CCDC91: variants seen among roughly 807,000 people sequenced by gnomAD.
CCDC91 encodes the protein coiled-coil domain-containing protein 91.
A neutral mutation model predicts 63.2 loss-of-function variants in CCDC91; 48 were observed. The ratio of observed to expected loss-of-function variants is 0.76; its 90% CI spans 0.60 to 0.97. The LOEUF (loss-of-function observed/expected upper bound fraction) is 0.97. Ranked by LOEUF, CCDC91 falls within the 50% of genes least tolerant of loss-of-function variation. The probability of loss-of-function intolerance (pLI) is 0.00; values close to 1 mark genes in which losing one functional copy is unlikely to be tolerated. For synonymous variants in CCDC91, 167 were observed against 165.8 expected, an observed-to-expected ratio of 1.01 and a Z score of -0.06; for missense variants, 500 against 494.6, an observed-to-expected ratio of 1.01 and a Z score of -0.10.
At chr12:28,504,404 A>G (rs1269894212) in intron 12 of CCDC91, among the ~76,000 whole-genome samples, 1 of 151,934 alleles carries the variant, frequency 6.6e-6, no homozygotes, top group African/African-American at 2.4e-5. Flanking sequence ...GCCATATACC[A>G]GGACCCTGAA....
chr12:28,458,455 C>CTTTTTTTTTTTTTTTTTTTTTTTTTT (rs60083355), intron 11 of CCDC91, among the ~76,000 whole-genome samples: 1 of 45,806 alleles, frequency 2.2e-5, no homozygotes, highest in Non-Finnish European at 3.4e-5. Flanking sequence ...ATTTGCACAC[C>CTTTTTTTTTTTTTTTTTTTTTTTTTT]TTTTTTTTTT....
intron 12 of CCDC91, among the ~76,000 whole-genome samples, chr12:28,513,507 A>G (rs1003374449): frequency 2.6e-5 from 4 of 151,980 alleles, no homozygotes; most frequent in African/African-American, 9.6e-5. Context: ...TGGATTTGGG[A>G]TCCTCAGCTG....
intron 3 of CCDC91, among the ~76,000 whole-genome samples, chr12:28,294,288 G>A (rs1223463377): frequency 6.6e-6 from 1 of 152,032 alleles, no homozygotes; most frequent in Admixed American, 6.5e-5. Flanking sequence ...TCATTGATAG[G>A]CTTTGGCTCT....
chr12:28,425,630 T>G (rs918752703), intron 8 of CCDC91, among the ~76,000 whole-genome samples: 3 of 152,246 alleles, frequency 2.0e-5, no homozygotes, highest in Admixed American at 6.5e-5. Flanking sequence ...ACTTTCATTT[T>G]GGTTTATTAT....
At chr12:28,435,180 T>G (rs573234051) in intron 8 of CCDC91, among the ~76,000 whole-genome samples, 11 of 151,772 alleles carry the variant, frequency 7.2e-5, no homozygotes, top group Non-Finnish European at 3.0e-5. Flanking sequence ...TTTTGCTTAC[T>G]TTAATTTGCT....
intron 1 of CCDC91, among the ~76,000 whole-genome samples, chr12:28,255,320 A>G (rs1946374204): frequency 6.6e-6 from 1 of 152,212 alleles, no homozygotes; most frequent in Admixed American, 6.5e-5. Flanking sequence ...TTGAAACCAT[A>G]TTATTTGAGT....
At chr12:28,321,072 T>G (rs1307573340) in intron 6 of CCDC91, among the ~76,000 whole-genome samples, 1 of 151,912 alleles carries the variant, frequency 6.6e-6, no homozygotes, top group Non-Finnish European at 1.5e-5. Context: ...CAGAGAATGG[T>G]GTCTTGAATG....
At chr12:28,301,253 A>G (rs1398096275) in intron 3 of CCDC91, among the ~76,000 whole-genome samples, 1 of 151,338 alleles carries the variant, frequency 6.6e-6, no homozygotes, top group East Asian at 1.9e-4. Context: ...ATCAGTTTCT[A>G]TTTTCTGATT....
At chr12:28,352,538 A>G (rs571794377) in intron 6 of CCDC91, among the ~76,000 whole-genome samples, 20 of 152,168 alleles carry the variant, frequency 1.3e-4, no homozygotes, top group African/African-American at 4.8e-4. Context: ...ATCTCAAGAA[A>G]CCACTTTCTT....
chr12:28,525,156 G>T (rs940827852), intron 12 of CCDC91, among the ~76,000 whole-genome samples: 1 of 151,890 alleles, frequency 6.6e-6, no homozygotes, highest in African/African-American at 2.4e-5. Flanking sequence ...GGTTTGGTTT[G>T]TTCTTACTTC....
At chr12:28,376,332 A>G (rs528148108) in intron 7 of CCDC91, among the ~76,000 whole-genome samples, 3 of 151,880 alleles carry the variant, frequency 2.0e-5, no homozygotes, top group Admixed American at 2.0e-4. Context: ...AATTACTGAG[A>G]ATTTTTTTCC....
intron 8 of CCDC91, among the ~76,000 whole-genome samples, chr12:28,431,902 C>G (rs1163176088): frequency 6.6e-6 from 1 of 151,902 alleles, no homozygotes; most frequent in Non-Finnish European, 1.5e-5. Flanking sequence ...TCCTTCTCTC[C>G]CCTCAATCCC....
Position 28,272,049 on chromosome 12 carries a change from A to C in CCDC91, c.109+12607A>C, listed in dbSNP as rs575999654. 1.6e-4 allele frequency among the ~76,000 whole-genome samples: 25 copies of C among 151,988 alleles called. No individual in the cohort carries two copies. In the South Asian group the frequency reaches 3.5e-3, roughly 21 times the overall value. ...TATTTCTTTGGTCTGCACAACGTAG[A>C]TATTACTCCGCCATCTTCTGATTTC... On this transcript the variant is annotated intron_variant, in intron 3 of 12. Transcript: ENST00000536442.
chr12:28,475,004 A>G (rs1265932610), intron 11 of CCDC91, among the ~76,000 whole-genome samples: 1 of 152,082 alleles, frequency 6.6e-6, no homozygotes, highest in Non-Finnish European at 1.5e-5. Flanking sequence ...TTACACAGGG[A>G]CGTCACCATT....
intron 1 of CCDC91, 197 bp from the exon 2 acceptor site, chr12:28,257,005 G>A (rs1468976012): frequency 2.2e-6 from 1 of 465,062 alleles, no homozygotes; most frequent in Non-Finnish European, 3.9e-6. Flanking sequence ...AAAATACATG[G>A]TTGCTGAAAA....
At position 28,394,732 on chromosome 12, in the gene CCDC91, C is replaced by CTCTCTCTCTCTCTCTCTCTCT. The variant is rs371886485; in HGVS notation, c.762+3321_762+3322insTCTCTCTCTCTCTCTCTCTCT. 4.8e-4 allele frequency among the ~76,000 whole-genome samples: 72 copies of CTCTCTCTCTCTCTCTCTCTCT among 151,398 alleles called. 1 individual carries two copies. Among genetic ancestry groups the CTCTCTCTCTCTCTCTCTCTCT allele is most frequent in the South Asian group, 1.3e-3 (6 of 4,796 alleles). ...TCTTGCTCTCTCTCTCTCTCTCTCT[C>CTCTCTCTCTCTCTCTCTCTCT]CCCCTTTTTCAGATTAAGAATTTCA... On this transcript the variant is annotated intron_variant, in intron 8 of 12. Transcript: ENST00000536442.
intron 8 of CCDC91, among the ~76,000 whole-genome samples, chr12:28,419,551 T>G (rs1436054438): frequency 6.6e-6 from 1 of 152,190 alleles, no homozygotes; most frequent in Non-Finnish European, 1.5e-5. Context: ...TGGCTACTTT[T>G]GTCTAAGTAG....
chr12:28,512,148 G>A (rs1055259798), intron 12 of CCDC91, among the ~76,000 whole-genome samples: 1 of 151,744 alleles, frequency 6.6e-6, no homozygotes, highest in Non-Finnish European at 1.5e-5. Flanking sequence ...CTGCGAATAG[G>A]TTCTTTTTTC....
chr12:28,278,855 C>T (rs1469511140), intron 3 of CCDC91, among the ~76,000 whole-genome samples: 1 of 151,870 alleles, frequency 6.6e-6, no homozygotes, highest in African/African-American at 2.4e-5. Flanking sequence ...GTACCTGTTT[C>T]TTTATTTGTA....
Sources: gnomAD v4.1 joint callset for allele counts (sites outside exome capture counted in the v4.1 genomes callset) on GRCh38, gnomAD v4.1.1 for gene constraint, MANE v1.5 for transcripts, NCBI Gene and HGNC (gene_info 2026-07-23, HGNC 2026-07-21) for gene names.